Variants in SDK2 observed in about 807,000 individuals in gnomAD.
SDK2 encodes the protein sidekick cell adhesion molecule 2, also known as protein sidekick-2.
A neutral mutation model predicts 253.9 loss-of-function variants in SDK2; 105 were observed. The observed-to-expected ratio is 0.41, with a 90% confidence interval of 0.35 to 0.49. The LOEUF is 0.49. Ranked by LOEUF, SDK2 falls within the 20% of genes least tolerant of loss-of-function variation. SDK2 has a pLI of 0.06. For synonymous variants in SDK2, 1,249 were observed against 1,234.9 expected (o/e 1.01, Z -0.24); for missense variants, 2,608 against 3,003.0 (o/e 0.87, Z 3.07).
intron 2 of SDK2, among the ~76,000 whole-genome samples, chr17:73,482,556 G>A (rs751168172): frequency 6.6e-6 from 1 of 152,254 alleles, no homozygotes; most frequent in African/African-American, 2.4e-5. Flanking sequence ...TTATCGAGCT[G>A]GGGGCCGCTA....
At position 73,431,907 on chromosome 17, in the gene SDK2, C is replaced by A. The variant is rs1251858441; in HGVS notation, c.1313-238G>T. ...AGAGCGGGCAGCCTAGAGCCCAGGT[C>A]CCCTGATGCTCCTGTGCCCGCCACA... is the stretch of plus-strand genomic sequence containing the variant. On this transcript the variant is annotated intron_variant, in intron 10 of 44. Coordinates refer to ENST00000392650, the MANE Select transcript of SDK2 (RefSeq NM_001144952.2). This position sits in a 1 kb window ranked among gnomAD's most constrained non-coding sequence, Gnocchi z 5.6. Among the ~76,000 whole-genome samples the A allele has an allele frequency of 6.6e-5, 10 of 152,246 alleles. No individual in the cohort carries two copies. In the East Asian group the frequency reaches 1.9e-3, roughly 29 times the overall value.
In SDK2 at chr17:73,394,413, G is replaced by A. The variant is rs2062954269; in HGVS notation, c.3593-89C>T. ...GGACCAGGACAGGGGGCCGAGGGAG[G>A]GGCCAGCTCGATGTTGCCTCTCTAT... On this transcript the variant is annotated intron_variant, in intron 25 of 44. Coordinates refer to ENST00000392650, the MANE Select transcript of SDK2 (RefSeq NM_001144952.2). 2 of 725,536 alleles carry A rather than the reference G, an allele frequency of 2.8e-6. 1 individual carries two copies. Among genetic ancestry groups the A allele is most frequent in the South Asian group, 8.2e-5 (2 of 24,346 alleles). 44.9% of individuals were successfully genotyped at this position (725,536 alleles called of 1,614,324 possible).
intron 6 of SDK2, among the ~76,000 whole-genome samples, chr17:73,439,398 C>T (rs184952870): frequency 1.3e-5 from 2 of 152,244 alleles, no homozygotes; most frequent in East Asian, 3.9e-4. Context: ...GAGGAGCATA[C>T]TTTTAGAAAT....
chr17:73,376,669 A>G (rs2062784125), intron 36 of SDK2, among the ~76,000 whole-genome samples: 2 of 151,904 alleles, frequency 1.3e-5, no homozygotes, highest in South Asian at 4.1e-4. Context: ...GGGTCTGTCT[A>G]TTAACTCACC....
At chr17:73,603,240 C>T (rs971073686) in intron 1 of SDK2, among the ~76,000 whole-genome samples, 3 of 152,160 alleles carry the variant, frequency 2.0e-5, no homozygotes, top group African/African-American at 7.2e-5. Flanking sequence ...AGAGACCTCC[C>T]TACTTGGTGG....
chr17:73,462,102 G>T (rs906847508), intron 3 of SDK2, among the ~76,000 whole-genome samples: 6 of 151,974 alleles, frequency 3.9e-5, no homozygotes, highest in East Asian at 1.9e-4. Context: ...GGGATGGATG[G>T]TTGTTTATGC....
chr17:73,425,843 G>A (rs1222821113), intron 12 of SDK2, among the ~76,000 whole-genome samples: 3 of 151,832 alleles, frequency 2.0e-5, no homozygotes, highest in Non-Finnish European at 2.9e-5. Context: ...GGCCTCAGTT[G>A]CCTCACCTGT....
At chr17:73,512,837 T>C (rs2063991867) in intron 1 of SDK2, among the ~76,000 whole-genome samples, 1 of 152,194 alleles carries the variant, frequency 6.6e-6, no homozygotes, top group African/African-American at 2.4e-5. Context: ...AAGTAGAATT[T>C]CAAATCAGTG....
chr17:73,433,127 G>GTC (rs141946835), intron 10 of SDK2, among the ~76,000 whole-genome samples: 3 of 151,656 alleles, frequency 2.0e-5, no homozygotes, highest in African/African-American at 4.8e-5. Context: ...GCACGCTATA[G>GTC]TCTAGTCTTC....
intron 1 of SDK2, among the ~76,000 whole-genome samples, chr17:73,623,878 G>T (rs888414904): frequency 1.3e-5 from 2 of 152,222 alleles, no homozygotes; most frequent in Non-Finnish European, 2.9e-5. Flanking sequence ...CCCCTCCAGA[G>T]AATTTTCTGT....
chr17:73,358,305 C>T, intron 39 of SDK2, 101 bp from the exon 40 acceptor site: 1 of 1,444,112 alleles, frequency 6.9e-7, no homozygotes. Context: ...CAAAACCAAC[C>T]CTGGACAGAG....
chr17:73,589,821 G>C (rs1440451045), intron 1 of SDK2, among the ~76,000 whole-genome samples: 1 of 152,276 alleles, frequency 6.6e-6, no homozygotes, highest in East Asian at 1.9e-4. Context: ...AGCCACTGCG[G>C]ATTAGCAGGT....
At chr17:73,566,315 A>ATGTGTGTGTGTGTGTG (rs1348465708) in intron 1 of SDK2, among the ~76,000 whole-genome samples, 4 of 111,770 alleles carry the variant, frequency 3.6e-5, no homozygotes, top group African/African-American at 8.4e-5. Context: ...ATTCTTATAT[A>ATGTGTGTGTGTGTGTG]TATATGTGTG....
intron 1 of SDK2, among the ~76,000 whole-genome samples, chr17:73,561,202 G>A (rs1317049251): frequency 1.3e-5 from 2 of 152,226 alleles, no homozygotes; most frequent in African/African-American, 4.8e-5. Context: ...GGTCTGGAAA[G>A]AGCTGTGGTG....
chr17:73,576,114 G>T (rs547649761), intron 1 of SDK2, among the ~76,000 whole-genome samples: 1 of 152,338 alleles, frequency 6.6e-6, no homozygotes, highest in Admixed American at 6.5e-5. Context: ...GGCAAAAGGG[G>T]CTGCCTGGGA....
intron 1 of SDK2, among the ~76,000 whole-genome samples, chr17:73,602,540 T>G (rs2045855709): frequency 6.6e-6 from 1 of 150,602 alleles, no homozygotes; most frequent in South Asian, 2.1e-4. Flanking sequence ...TTTTTTTTAA[T>G]GAAGTTCCTT....
At chr17:73,533,573 T>C (rs1007490490) in intron 1 of SDK2, among the ~76,000 whole-genome samples, 5 of 152,158 alleles carry the variant, frequency 3.3e-5, no homozygotes, top group African/African-American at 1.2e-4. Context: ...AGGGAGGTCC[T>C]CTCCACCTCC....
At chr17:73,627,729 G>A (rs554296720) in intron 1 of SDK2, among the ~76,000 whole-genome samples, 6 of 152,250 alleles carry the variant, frequency 3.9e-5, no homozygotes, top group Admixed American at 6.5e-5. Flanking sequence ...ACCAACCCTC[G>A]AGTGTGAGGA....
intron 1 of SDK2, among the ~76,000 whole-genome samples, chr17:73,613,388 A>G (rs1418563299): frequency 3.2e-5 from 1 of 31,418 alleles, no homozygotes; most frequent in Non-Finnish European, 6.5e-5. Flanking sequence ...CCCTGGCCCC[A>G]GGCCCCTGGA....
Sources: allele counts gnomAD v4.1 joint callset (sites outside exome capture counted in the v4.1 genomes callset), GRCh38; gene constraint gnomAD v4.1.1; non-coding constraint Gnocchi (gnomAD v3.1); transcripts MANE v1.5; gene names NCBI Gene and HGNC (gene_info 2026-07-23, HGNC 2026-07-21).